SLC30A7: variants seen among roughly 807,000 people sequenced by gnomAD.
The protein encoded by SLC30A7 is zinc transporter 7.
A neutral mutation model predicts 46.0 loss-of-function variants in SLC30A7; 35 were observed. The ratio of observed to expected loss-of-function variants is 0.76; its 90% CI spans 0.58 to 1.01. The LOEUF is 1.01. SLC30A7 is among the 50% of genes least tolerant of loss of function. The probability of loss-of-function intolerance (pLI) is 0.00; values close to 1 mark genes in which losing one functional copy is unlikely to be tolerated. For synonymous variants in SLC30A7, 147 were observed against 157.8 expected, an observed-to-expected ratio of 0.93 and a Z score of 0.51; for missense variants, 464 against 451.1, an observed-to-expected ratio of 1.03 and a Z score of -0.26.
At chr1:100,992,004 G>A in the SLC30A7 span, among the ~76,000 whole-genome samples, 1 of 151,834 alleles carries the variant, frequency 6.6e-6, no homozygotes, top group Non-Finnish European at 1.5e-5. Flanking sequence ...CAGCTAAGGT[G>A]GGAGGATCAC....
At chr1:100,938,494 G>A (rs893535821) in intron 8 of SLC30A7, among the ~76,000 whole-genome samples, 6 of 152,148 alleles carry the variant, frequency 3.9e-5, no homozygotes, top group African/African-American at 1.4e-4. Flanking sequence ...TTCTGTTGCT[G>A]CATAACACAT....
chr1:100,952,261 G>A (rs1337333024), intron 8 of SLC30A7, among the ~76,000 whole-genome samples: 1 of 152,164 alleles, frequency 6.6e-6, no homozygotes, highest in Non-Finnish European at 1.5e-5. Flanking sequence ...GGGTTCAAAT[G>A]CTGTTTTAAC....
rs992740671 is a variant in SLC30A7, at chr1:100,913,769, T to C, written c.618T>C (p.His206=). 1.2e-6 allele frequency: 2 copies of C among 1,613,826 alleles called. No homozygotes were observed. Among genetic ancestry groups the C allele is most frequent in the Admixed American group, 1.7e-5 (1 of 59,998 alleles). The change falls in exon 6 of 11, where the codon CAT becomes CAC. Residue 206 remains histidine (H), a synonymous_variant. Transcript: ENST00000357650. ...TGAAACATGGTGCTGCACATAGCCA[T>C]GATCATGCTCATGGACATGGACACT... ...HEVKHGAAHS[H]DHAHGHGHFH... is the part of the protein sequence containing the mutation.
At chr1:100,949,976 G>A (rs960033742) in intron 8 of SLC30A7, among the ~76,000 whole-genome samples, 2 of 152,218 alleles carry the variant, frequency 1.3e-5, no homozygotes, top group African/African-American at 4.8e-5. Context: ...TCCTGGGTGA[G>A]GTGATGCCCC....
In SLC30A7 at chr1:100,965,901, CAT is replaced by C. The variant is rs1558008158; in HGVS notation, c.1068_1069del (p.His356GlnfsTer16). 1.9e-6 allele frequency: 3 copies of C among 1,612,154 alleles called. No individual in the cohort carries two copies. The Admixed American group carries it at 5.0e-5, about 27-fold the overall frequency. On this transcript the variant is annotated frameshift_variant, in exon 10 of 11. Coordinates refer to ENST00000357650, the MANE Select transcript of SLC30A7 (RefSeq NM_133496.5). LOFTEE classifies it high-confidence loss of function. The stretch of plus-strand genomic sequence containing the variant: ...TGCTAGGTGGATTTTAAGCCAAACA[CAT>C]AATATTTTTACTCAGGTATGTCTTT... Reference protein sequence around the residue: ...ADARWILSQTHNIFTQAGVRQ... With the variant: ...ADARWILSQTXNIFTQAGVRQ...
At chr1:100,992,652 G>A in the SLC30A7 span, 54 of 1,613,270 alleles carry the variant, frequency 3.3e-5, no homozygotes, top group African/African-American at 5.3e-5. Flanking sequence ...TCTTCTCCTC[G>A]TATTCTTTGA....
chr1:100,990,208 A>G, the SLC30A7 span: 1 of 578,070 alleles, frequency 1.7e-6, no homozygotes, highest in Admixed American at 3.1e-5. Context: ...CCAGGCACTT[A>G]TAAAACCATC....
At chr1:100,909,402 T>G (rs1353348285) in intron 3 of SLC30A7, among the ~76,000 whole-genome samples, 1 of 152,112 alleles carries the variant, frequency 6.6e-6, no homozygotes, top group Non-Finnish European at 1.5e-5. Context: ...TTAAAAGTAA[T>G]ATACATCCAG....
chr1:100,910,019 A>G (rs1337297668), intron 3 of SLC30A7, among the ~76,000 whole-genome samples: 1 of 152,142 alleles, frequency 6.6e-6, no homozygotes, highest in African/African-American at 2.4e-5. Context: ...ATGTGTTAGA[A>G]GATAGAAATA....
chr1:100,901,449 A>G (rs1416042034), intron 2 of SLC30A7, among the ~76,000 whole-genome samples: 2 of 152,064 alleles, frequency 1.3e-5, no homozygotes, highest in Non-Finnish European at 2.9e-5. Flanking sequence ...TTATACACGT[A>G]GAAGTTTTCT....
intron 8 of SLC30A7, among the ~76,000 whole-genome samples, chr1:100,947,317 C>G (rs1252934270): frequency 6.6e-6 from 1 of 152,144 alleles, no homozygotes; most frequent in Non-Finnish European, 1.5e-5. Flanking sequence ...ATTATTTACC[C>G]AGTAGTCATT....
chr1:100,903,986 G>A (rs891540889), intron 2 of SLC30A7, among the ~76,000 whole-genome samples: 3 of 152,112 alleles, frequency 2.0e-5, no homozygotes, highest in Non-Finnish European at 4.4e-5. Flanking sequence ...TTAATAATTA[G>A]CAATAGGAAT....
Position 100,920,923 on chromosome 1 carries a change from G to A in SLC30A7, c.707-783G>A, listed in dbSNP as rs114473372. On this transcript the variant is annotated intron_variant, in intron 7 of 10. Coordinates refer to ENST00000357650, the MANE Select transcript of SLC30A7 (RefSeq NM_133496.5). ...GAAATTTTGTATTAAAGATCTAAAC[G>A]TTGAATAATTTGTCTCAGTTGAGTT... 5.5e-3 allele frequency among the ~76,000 whole-genome samples: 839 copies of A among 152,044 alleles called. 2 individuals are homozygous for A. The highest frequency in any genetic ancestry group is 0.02 in the African/African-American group (816 of 41,510).
chr1:100,961,137 A>G (rs1267303017), intron 8 of SLC30A7, among the ~76,000 whole-genome samples: 2 of 143,752 alleles, frequency 1.4e-5, no homozygotes, highest in African/African-American at 5.2e-5. Context: ...TTTTTTTTGT[A>G]TTTTTAGTGG....
At chr1:100,983,148 G>T (rs1657046796), downstream of SLC30A7, among the ~76,000 whole-genome samples, 1 of 152,020 alleles carries the variant, frequency 6.6e-6, no homozygotes, top group African/African-American at 2.4e-5. Flanking sequence ...AAACTTAAAT[G>T]CATTTCATTC....
intron 10 of SLC30A7, among the ~76,000 whole-genome samples, chr1:100,966,725 C>T (rs1268490878): frequency 6.6e-6 from 1 of 152,012 alleles, no homozygotes; most frequent in Non-Finnish European, 1.5e-5. Flanking sequence ...TGAGTTCCTT[C>T]AAGAAAAAGT....
rs752512144 is a variant in SLC30A7, at chr1:100,913,791, C to T, written c.640C>T (p.His214Tyr). 1 of 1,613,660 alleles carries T rather than the reference C, an allele frequency of 6.2e-7. No individual in the cohort carries two copies. Among genetic ancestry groups the T allele is most frequent in the Admixed American group, 1.7e-5 (1 of 59,998 alleles). ...CCATGATCATGCTCATGGACATGGA[C>T]ACTTTCATTCTCATGGTGAGTACAG... ...HSHDHAHGHG[H>Y]FHSHDGPSLK... The change falls in exon 6 of 11, where the codon CAC (histidine) becomes TAC (tyrosine). Residue 214 changes from histidine to tyrosine, a missense_variant. Coordinates refer to ENST00000357650, the MANE Select transcript of SLC30A7 (RefSeq NM_133496.5).
intron 8 of SLC30A7, among the ~76,000 whole-genome samples, chr1:100,959,166 A>C (rs1375076423): frequency 2.0e-5 from 3 of 152,232 alleles, no homozygotes; most frequent in Non-Finnish European, 2.9e-5. Flanking sequence ...AGATCCAAAA[A>C]TATACTGTGT....
At chr1:100,915,256 C>CTTCCTTT (rs1557981536) in intron 6 of SLC30A7, among the ~76,000 whole-genome samples, 7 of 23,472 alleles carry the variant, frequency 3.0e-4, no homozygotes, top group South Asian at 1.1e-3. Context: ...TTTCTTTCTT[C>CTTCCTTT]CTTTCTTTCT....
Sources: gnomAD v4.1 joint callset for allele counts (sites outside exome capture counted in the v4.1 genomes callset) on GRCh38, gnomAD v4.1.1 for gene constraint, MANE v1.5 for transcripts, NCBI Gene and HGNC (gene_info 2026-07-23, HGNC 2026-07-21) for gene names.